FLNB: variants seen among roughly 807,000 people sequenced by gnomAD.
FLNB encodes filamin-B.
In FLNB, 111 loss-of-function variants were observed where a neutral mutation model predicts 250.6. The observed-to-expected ratio is 0.44, with a 90% CI of 0.38 to 0.52. FLNB has a LOEUF of 0.52. Ranked by LOEUF, FLNB falls within the 20% of genes least tolerant of loss-of-function variation. FLNB has a pLI of 0.00. For missense variants in FLNB, 2,869 were observed against 3,447.8 expected (o/e 0.83, Z 4.20); for synonymous variants, 1,302 against 1,372.1 (o/e 0.95, Z 1.13).
intron 41 of FLNB, among the ~76,000 whole-genome samples, chr3:58,158,863 G>A (rs973754267): frequency 1.3e-5 from 2 of 152,018 alleles, no homozygotes; most frequent in Non-Finnish European, 1.5e-5. Flanking sequence ...TGACGTTTTC[G>A]AGCCTCTCTG....
chr3:58,033,965 A>G (rs2097134462), intron 1 of FLNB, among the ~76,000 whole-genome samples: 1 of 151,882 alleles, frequency 6.6e-6, no homozygotes, highest in Non-Finnish European at 1.5e-5. Flanking sequence ...GGTTCAAGCA[A>G]TTCTCCTGCC....
At chr3:58,023,179 A>G (rs2097116901) in intron 1 of FLNB, among the ~76,000 whole-genome samples, 6 of 145,218 alleles carry the variant, frequency 4.1e-5, no homozygotes, top group Non-Finnish European at 7.4e-5. Context: ...GCTCACTGCA[A>G]CTTCTGCCTC....
At position 58,149,896 on chromosome 3, in the gene FLNB, C is replaced by T. The variant is rs773154878; in HGVS notation, c.6138C>T (p.Asp2046=). 4 of 1,614,238 alleles carry T rather than the reference C, an allele frequency of 2.5e-6. No homozygotes were observed. The South Asian group carries it at 4.4e-5, about 18-fold the overall frequency. The change falls in exon 37 of 46, where the codon GAC becomes GAT. Residue 2046 remains aspartate (D), a synonymous_variant. Coordinates refer to ENST00000295956, the MANE Select transcript of FLNB (RefSeq NM_001457.4). ...CGGTGGAAGGCCCCAGCAAAGTGGA[C>T]ATCCAGACGGAGGACCTGGAAGATG... ...SLAVEGPSKV[D]IQTEDLEDGT... is the part of the protein sequence containing the mutation.
chr3:58,032,000 C>A (rs2097131766), intron 1 of FLNB, among the ~76,000 whole-genome samples: 2 of 152,138 alleles, frequency 1.3e-5, no homozygotes. Flanking sequence ...ATGAACATGG[C>A]TCACTGCAGC....
rs2097093845 is a variant in FLNB at position 58,008,675 on chromosome 3, C to T, written c.111C>T (p.Ile37=). The T allele has an allele frequency of 6.2e-7, 1 of 1,614,068 alleles. No homozygotes were observed. The highest frequency in any genetic ancestry group is 1.3e-5 in the African/African-American group (1 of 74,948). ...ACCTCAAGTGCGTGAACAAACGCAT[C>T]GGCAACCTGCAGACCGACCTGAGCG... is the stretch of plus-strand genomic sequence containing the variant. ...NEHLKCVNKR[I]GNLQTDLSDG... The change falls in exon 1 of 46, where the codon ATC becomes ATT. Residue 37 remains isoleucine, a synonymous_variant. Transcript: ENST00000295956.
At chr3:58,027,399 C>G (rs2097124969) in intron 1 of FLNB, among the ~76,000 whole-genome samples, 1 of 152,126 alleles carries the variant, frequency 6.6e-6, no homozygotes, top group Non-Finnish European at 1.5e-5. Context: ...CCTCAGCCTC[C>G]CAAAGTGTTA....
chr3:58,123,548 C>T lies in FLNB; in HGVS notation c.3582C>T (p.Tyr1194=), dbSNP rs373256107. Residue 1194 remains tyrosine, a synonymous_variant, in exon 21 of 46, where the codon TAC becomes TAT. Transcript: ENST00000295956. ...NNKDGTYAVT[Y]VPLTAGMYTL... The stretch of plus-strand genomic sequence containing the variant: ...AAGATGGCACCTACGCGGTGACCTA[C>T]GTGCCCCTGACGGCCGGCATGTACA... 113 of 1,608,766 alleles carry T rather than the reference C, an allele frequency of 7.0e-5. No homozygotes were observed. Among genetic ancestry groups the T allele is most frequent in the Non-Finnish European group, 8.6e-5 (101 of 1,177,880 alleles).
Position 58,169,240 on chromosome 3 carries a change from C to A in FLNB, c.7418-350C>A. On this transcript the variant is annotated intron_variant, in intron 44 of 45. Transcript: ENST00000295956. The surrounding 1 kb of genome is among the most constrained non-coding windows in gnomAD (Gnocchi z 4.8). ...TTTTGATATTTCATTATATGTCATC[C>A]CAAACTTTTACACTGCTTATACATA... is the stretch of plus-strand genomic sequence containing the variant. 6.9e-6 allele frequency: 2 copies of A among 290,812 alleles called. No individual in the cohort carries two copies. The highest frequency in any genetic ancestry group is 1.3e-5 in the Non-Finnish European group (2 of 153,740). The allele number at this position is 290,812 out of a possible 1,614,324, so 18.0% of individuals were successfully genotyped here. A position where few individuals can be genotyped will look rare whatever the true frequency, so the allele number is the denominator to read the frequency against.
chr3:58,095,065 G>GT, intron 5 of FLNB, 111 bp downstream of exon 5: 1 of 897,144 alleles, frequency 1.1e-6, no homozygotes, highest in East Asian at 2.4e-5. Flanking sequence ...AACCAAAAGT[G>GT]TTTTTTACCA....
chr3:58,102,669 G>T (rs543828625), intron 9 of FLNB, among the ~76,000 whole-genome samples: 96 of 152,308 alleles, frequency 6.3e-4, no homozygotes, highest in South Asian at 6.2e-3. Flanking sequence ...AGAGAGGAAG[G>T]CTCTTGCCTA....
intron 1 of FLNB, among the ~76,000 whole-genome samples, chr3:58,030,595 C>T (rs891388872): frequency 1.3e-5 from 2 of 152,014 alleles, no homozygotes; most frequent in Non-Finnish European, 2.9e-5. Context: ...TAGGAGGGGC[C>T]GGGCACGGTG....
At chr3:58,159,801 G>A (rs955937868) in intron 42 of FLNB, 115 bp downstream of exon 42, 19 of 1,140,992 alleles carry the variant, frequency 1.7e-5, no homozygotes, top group Non-Finnish European at 2.4e-5. Context: ...GTGAGCCTCT[G>A]AATTCCCTTT....
Position 58,170,922 on chromosome 3 carries a change from A to G in FLNB, c.*160A>G, listed in dbSNP as rs1575487952. 1 of 667,104 alleles carries G rather than the reference A, an allele frequency of 1.5e-6. No individual in the cohort carries two copies. The highest frequency in any genetic ancestry group is 1.8e-5 in the African/African-American group (1 of 55,642). 41.3% of individuals were successfully genotyped at this position (667,104 alleles called of 1,614,324 possible). On this transcript the variant is annotated 3_prime_UTR_variant, in exon 46 of 46. Coordinates refer to ENST00000295956, the MANE Select transcript of FLNB (RefSeq NM_001457.4). ...CCTTCAGAAATAAGTCCTAGACTGG[A>G]CTCTTGAGGGACATATTGGAGAATC...
chr3:58,059,552 G>A (rs28613154), intron 1 of FLNB, among the ~76,000 whole-genome samples: 3,627 of 152,268 alleles, frequency 0.024, 115 homozygotes, highest in African/African-American at 0.082. Context: ...AGCCCTGACT[G>A]TGGACTGCGT....
intron 43 of FLNB, among the ~76,000 whole-genome samples, chr3:58,168,121 C>T (rs943355379): frequency 6.6e-6 from 1 of 152,242 alleles, no homozygotes; most frequent in African/African-American, 2.4e-5. Flanking sequence ...GCACTTCAGG[C>T]TCACAGTGTG....
In FLNB at chr3:58,172,040, A is replaced by G. The variant is rs886058772; in HGVS notation, c.*1278A>G. The G allele has an allele frequency of 3.9e-5, 6 of 152,544 alleles. No homozygotes were observed. Among genetic ancestry groups the G allele is most frequent in the Non-Finnish European group, 7.3e-5 (5 of 68,086 alleles). 9.4% of individuals were successfully genotyped at this position (152,544 alleles called of 1,614,324 possible). ...GGCAGACCTTTAGGTTTTGCTGCTTAGTCCTGAGGAAGTGGCCACTCTTGT... is the reference window on the plus strand; with the variant it reads ...GGCAGACCTTTAGGTTTTGCTGCTTGGTCCTGAGGAAGTGGCCACTCTTGT... On this transcript the variant is annotated 3_prime_UTR_variant, in exon 46 of 46. Transcript: ENST00000295956.
rs201452322 is a variant in FLNB, at chr3:58,110,042, C to T, written c.2356C>T (p.Arg786Trp). 3.1e-5 allele frequency: 50 copies of T among 1,613,912 alleles called. No homozygotes were observed. Among genetic ancestry groups the T allele is most frequent in the Non-Finnish European group, 3.8e-5 (45 of 1,179,982 alleles). The change falls in exon 16 of 46, where the codon CGG (arginine) becomes TGG (tryptophan). Residue 786 changes from arginine (R) to tryptophan (W), a missense_variant. By Grantham distance (101) the Arg-to-Trp change is moderately radical. Coordinates refer to ENST00000295956, the MANE Select transcript of FLNB (RefSeq NM_001457.4). ...CAGTGTTGGCATTAAGTGTGATGCC[C>T]GGGTGTTAAGTGAAGATGAGGAAGA... Reference protein sequence around the residue: ...DVSVGIKCDARVLSEDEEDVD... With the variant: ...DVSVGIKCDAWVLSEDEEDVD...
intron 24 of FLNB, among the ~76,000 whole-genome samples, chr3:58,128,622 G>A (rs951686513): frequency 6.6e-6 from 1 of 152,152 alleles, no homozygotes; most frequent in African/African-American, 2.4e-5. Context: ...CAGGAAACGG[G>A]TAGAAGGCTG....
chr3:58,011,046 C>G (rs2097097915), intron 1 of FLNB, among the ~76,000 whole-genome samples: 1 of 152,144 alleles, frequency 6.6e-6, no homozygotes, highest in Non-Finnish European at 1.5e-5. Context: ...TCCTGAGTAG[C>G]TAGAATTACA....
Sources: allele counts gnomAD v4.1 joint callset (sites outside exome capture counted in the v4.1 genomes callset), GRCh38; gene constraint gnomAD v4.1.1; non-coding constraint Gnocchi (gnomAD v3.1); transcripts MANE v1.5; gene names NCBI Gene and HGNC (gene_info 2026-07-23, HGNC 2026-07-21).